HTT: variants seen among roughly 807,000 people sequenced by gnomAD.
The protein encoded by HTT is huntington disease protein.
A neutral mutation model predicts 362.3 loss-of-function variants in HTT; 104 were observed. That is an observed-to-expected ratio of 0.29 (90% CI 0.24 to 0.34). The LOEUF (loss-of-function observed/expected upper bound fraction) is 0.34. Among genes scored for constraint, HTT ranks in the 10% least tolerant of loss-of-function variants. HTT has a pLI of 1.00. For missense variants in HTT, 3,301 were observed against 3,928.6 expected, an observed-to-expected ratio of 0.84 and a Z score of 4.27; for synonymous variants, 1,577 against 1,548.7, an observed-to-expected ratio of 1.02 and a Z score of -0.43.
intron 2 of HTT, among the ~76,000 whole-genome samples, chr4:3,094,813 G>A (rs1713753007): frequency 6.6e-6 from 1 of 151,232 alleles, no homozygotes; most frequent in African/African-American, 2.4e-5. Flanking sequence ...TCTCAGACGG[G>A]GCGGCTGGTC....
chr4:3,204,863 G>A (rs1248838390), intron 42 of HTT, among the ~76,000 whole-genome samples: 1 of 152,054 alleles, frequency 6.6e-6, no homozygotes, highest in East Asian at 1.9e-4. Flanking sequence ...CATGCCTGTG[G>A]TCCCAGCCAC....
intron 21 of HTT, among the ~76,000 whole-genome samples, chr4:3,139,318 C>T (rs1239089714): frequency 1.3e-5 from 2 of 152,196 alleles, no homozygotes; most frequent in Non-Finnish European, 2.9e-5. Context: ...CTGCCTCAGC[C>T]TCCCAAGTAG....
Position 3,228,588 on chromosome 4 carries a change from C to G in HTT, c.7849-27C>G, listed in dbSNP as rs1721036151. Reference sequence around the variant, plus strand: ...GGAGCCTGGCACTGTGGCCGCAGCACTGAGCAGTGCCCCGTTTCTGTGGCA... The same window carrying G: ...GGAGCCTGGCACTGTGGCCGCAGCAGTGAGCAGTGCCCCGTTTCTGTGGCA... On this transcript the variant is annotated intron_variant, in intron 57 of 66. Transcript: ENST00000355072. This position sits in a 1 kb window ranked among gnomAD's most constrained non-coding sequence, Gnocchi z 4.3. The G allele has an allele frequency of 6.5e-7, 1 of 1,537,122 alleles. No homozygotes were observed. The highest frequency in any genetic ancestry group is 2.3e-5 in the East Asian group (1 of 44,160).
intron 66 of HTT, among the ~76,000 whole-genome samples, chr4:3,239,360 CT>C (rs1721700384): frequency 6.6e-6 from 1 of 152,234 alleles, no homozygotes; most frequent in Admixed American, 6.5e-5. Context: ...CTCGATCGCC[CT>C]CTCGGGGAAA....
chr4:3,199,048 C>G (rs1322016146), intron 40 of HTT, among the ~76,000 whole-genome samples: 3 of 152,192 alleles, frequency 2.0e-5, no homozygotes, highest in African/African-American at 7.2e-5. Flanking sequence ...GTAGCTGTGG[C>G]TCAGTCCTGT....
chr4:3,235,505 G>T, intron 62 of HTT, 60 bp from the exon 63 acceptor site: 3 of 1,558,738 alleles, frequency 1.9e-6, no homozygotes, highest in Non-Finnish European at 2.7e-6. Context: ...TCGGGAGGAG[G>T]CATGAACACC....
At chr4:3,110,894 G>C (rs1451429024) in intron 6 of HTT, among the ~76,000 whole-genome samples, 1 of 152,148 alleles carries the variant, frequency 6.6e-6, no homozygotes, top group Non-Finnish European at 1.5e-5. Flanking sequence ...GTTCTCTCCT[G>C]AAATTGGTTA....
At chr4:3,098,767 G>A (rs138662163) in intron 2 of HTT, among the ~76,000 whole-genome samples, 28 of 152,308 alleles carry the variant, frequency 1.8e-4, no homozygotes, top group Middle Eastern at 6.8e-3. Context: ...CCGAAAGCAA[G>A]ATTAAAAAGG....
In HTT at chr4:3,110,742, T is replaced by G. The variant is rs550185695; in HGVS notation, c.747+3319T>G. On this transcript the variant is annotated intron_variant, in intron 6 of 66. Transcript: ENST00000355072. ...CCGATTCCTTAACCTATGAATGTAC[T>G]TTTCTTTGGAAGCTTTCCATTTTTG... Among the ~76,000 whole-genome samples the G allele has an allele frequency of 4.1e-4, 62 of 152,316 alleles. No individual in the cohort carries two copies. The South Asian group carries it at 5.8e-3, about 14-fold the overall frequency.
At chr4:3,163,868 CCAG>C (rs1438868755) in intron 29 of HTT, among the ~76,000 whole-genome samples, 1 of 151,416 alleles carries the variant, frequency 6.6e-6, no homozygotes, top group African/African-American at 2.4e-5. Context: ...TTTCAAAAAA[CCAG>C]CACCTGGATT....
chr4:3,172,333 T>C lies in HTT; in HGVS notation c.3878T>C (p.Ile1293Thr). ...LQDIGKCVEE[I>T]LGYLKSCFSR... is the part of the protein sequence containing the mutation. ...GTCTTTCTACAGTGTGTTGAAGAGA[T>C]CCTAGGATACCTGAAATCCTGCTTT... The change falls in exon 30 of 67, where the codon ATC becomes ACC. Residue 1293 changes from isoleucine to threonine, a missense_variant. By Grantham distance (89) the Ile-to-Thr change is moderately conservative (BLOSUM62 -1). This residue lies in a region of HTT where 2,316 missense variants were observed against 2,658.5 expected (regional missense o/e 0.87). Transcript: ENST00000355072. 1 of 1,603,746 alleles carries C rather than the reference T, an allele frequency of 6.2e-7. No individual in the cohort carries two copies. The highest frequency in any genetic ancestry group is 8.5e-7 in the Non-Finnish European group (1 of 1,170,684).
chr4:3,177,721 T>A (rs363134), intron 34 of HTT, among the ~76,000 whole-genome samples: 1 of 152,206 alleles, frequency 6.6e-6, no homozygotes, highest in African/African-American at 2.4e-5. Context: ...TTTTATATAA[T>A]GTTGTCTTTA....
chr4:3,217,705 T>C (rs1720479283), intron 51 of HTT, 60 bp from the exon 52 acceptor site: 3 of 1,424,610 alleles, frequency 2.1e-6, no homozygotes, highest in Non-Finnish European at 2.9e-6. Flanking sequence ...TCATGCTTTC[T>C]ACACTGGGCA....
chr4:3,112,316 G>C (rs904274395), intron 6 of HTT, among the ~76,000 whole-genome samples: 5 of 152,120 alleles, frequency 3.3e-5, no homozygotes, highest in African/African-American at 1.2e-4. Flanking sequence ...GAAATCATTA[G>C]TGTATCCCTT....
chr4:3,181,113 C>G (rs960465354), intron 36 of HTT, among the ~76,000 whole-genome samples: 19 of 151,704 alleles, frequency 1.3e-4, no homozygotes, highest in African/African-American at 4.1e-4. Context: ...AACTCCTGAC[C>G]TCAAGTGATC....
chr4:3,075,679 A>G lies in HTT; in HGVS notation c.263+591A>G, dbSNP rs866416034. On this transcript the variant is annotated intron_variant, in intron 1 of 66. Transcript: ENST00000355072. ...GGGGCGGGGAGTGAGGGCGCGTCCA[A>G]TGGGAGATTTCTTTTCCTAGTGGCA... Among the ~76,000 whole-genome samples the G allele has an allele frequency of 4.1e-4, 62 of 149,578 alleles. No individual in the cohort carries two copies. In the Middle Eastern group the frequency reaches 0.011, roughly 25 times the overall value.
At chr4:3,190,279 C>T (rs1160765916) in intron 40 of HTT, among the ~76,000 whole-genome samples, 3 of 148,858 alleles carry the variant, frequency 2.0e-5, no homozygotes, top group East Asian at 2.0e-4. Context: ...CTCAGGAGTT[C>T]GAGGCTGCAG....
Position 3,074,935 on chromosome 4 carries a change from AACAG to A in HTT, c.111_114del (p.Gln37HisfsTer63), listed in dbSNP as rs762009695. The stretch of plus-strand genomic sequence containing the variant: ...CAGCAGCAGCAGCAGCAGCAGCAGC[AACAG>A]CCGCCACCGCCGCCGCCGCCGCCGC... On this transcript the variant is annotated frameshift_variant, in exon 1 of 67. Transcript: ENST00000355072. LOFTEE classifies it high-confidence loss of function. 2,059 of 1,247,176 alleles carry A rather than the reference AACAG, an allele frequency of 1.7e-3. 46 individuals are homozygous for A. In the African/African-American group the frequency reaches 0.03, roughly 18 times the overall value. 77.3% of individuals were successfully genotyped at this position (1,247,176 alleles called of 1,614,324 possible).
At chr4:3,115,072 C>T (rs1292319838) in intron 6 of HTT, among the ~76,000 whole-genome samples, 1 of 152,126 alleles carries the variant, frequency 6.6e-6, no homozygotes, top group East Asian at 1.9e-4. Flanking sequence ...GACATGGATG[C>T]TGAGCAGTCC....
Sources: gnomAD v4.1 joint callset for allele counts (sites outside exome capture counted in the v4.1 genomes callset) on GRCh38, gnomAD v4.1.1 for gene constraint, gnomAD v4.1.1 regional missense constraint, Gnocchi (gnomAD v3.1) non-coding constraint, MANE v1.5 for transcripts, NCBI Gene and HGNC (gene_info 2026-07-23, HGNC 2026-07-21) for gene names.